GRM3: variants seen among roughly 807,000 people sequenced by gnomAD.
GRM3 encodes the protein metabotropic glutamate receptor 3.
In GRM3, 26 loss-of-function variants were observed where a neutral mutation model predicts 70.5. The observed-to-expected ratio is 0.37, with a 90% CI of 0.27 to 0.51. GRM3 has a LOEUF of 0.51. Among genes scored for constraint, GRM3 ranks in the 20% least tolerant of loss-of-function variants. The probability of loss-of-function intolerance (pLI) is 0.93; values close to 1 mark genes in which losing one functional copy is unlikely to be tolerated. For missense variants in GRM3, 859 were observed against 1,123.8 expected (o/e 0.76, Z 3.37); for synonymous variants, 443 against 434.9 (o/e 1.02, Z -0.23).
intron 1 of GRM3, among the ~76,000 whole-genome samples, chr7:86,705,977 C>G (rs1795048346): frequency 6.6e-6 from 1 of 152,082 alleles, no homozygotes; most frequent in Non-Finnish European, 1.5e-5. Context: ...AAATACAGCA[C>G]CAGACTTTTA....
chr7:86,786,079 T>C lies in GRM3; in HGVS notation c.469-182T>C. ...TACCTGTGTGAGACCTGCTTCCTAG[T>C]GTCCAAAATACAGTATCCAAGGAAG... On this transcript the variant is annotated intron_variant, in intron 2 of 5. Coordinates refer to ENST00000361669, the MANE Select transcript of GRM3 (RefSeq NM_000840.3). The surrounding 1 kb of genome is among the most constrained non-coding windows in gnomAD (Gnocchi z 6.0). 1.5e-6 allele frequency: 1 copy of C among 645,366 alleles called. No individual in the cohort carries two copies. The highest frequency in any genetic ancestry group is 2.8e-6 in the Non-Finnish European group (1 of 361,074). The allele number at this position is 645,366 out of a possible 1,614,324, so 40.0% of individuals were successfully genotyped here.
chr7:86,746,364 T>TATATATATATATATAA (rs1796105423), intron 1 of GRM3, among the ~76,000 whole-genome samples: 1 of 141,512 alleles, frequency 7.1e-6, no homozygotes, highest in Non-Finnish European at 1.5e-5. Flanking sequence ...TATATATATA[T>TATATATATATATATAA]ATATATATAT....
At chr7:86,814,448 C>T (rs1364225246) in intron 3 of GRM3, among the ~76,000 whole-genome samples, 2 of 151,636 alleles carry the variant, frequency 1.3e-5, no homozygotes, top group Non-Finnish European at 1.5e-5. Flanking sequence ...CATAGCTTAG[C>T]TCCCATATAT....
intron 1 of GRM3, among the ~76,000 whole-genome samples, chr7:86,667,524 A>G (rs758579413): frequency 1.3e-5 from 2 of 152,118 alleles, no homozygotes; most frequent in Non-Finnish European, 2.9e-5. Flanking sequence ...AGTTTTCAAC[A>G]TAGTCACAGC....
intron 4 of GRM3, among the ~76,000 whole-genome samples, chr7:86,848,621 A>G (rs952764449): frequency 2.0e-5 from 3 of 152,142 alleles, no homozygotes; most frequent in African/African-American, 7.2e-5. Context: ...TCCTACCCCA[A>G]GCCTCTTTCT....
At chr7:86,745,789 A>C (rs561905461) in intron 1 of GRM3, among the ~76,000 whole-genome samples, 1 of 152,250 alleles carries the variant, frequency 6.6e-6, no homozygotes, top group South Asian at 2.1e-4. Context: ...AAATCTAAAG[A>C]TTTACAAAAC....
At chr7:86,781,764 T>C (rs774474134) in intron 2 of GRM3, among the ~76,000 whole-genome samples, 2 of 152,192 alleles carry the variant, frequency 1.3e-5, no homozygotes, top group Non-Finnish European at 2.9e-5. Flanking sequence ...AATACAAATG[T>C]AATTTTATTT....
intron 3 of GRM3, among the ~76,000 whole-genome samples, chr7:86,798,166 T>A (rs1159596306): frequency 1.3e-5 from 2 of 151,996 alleles, no homozygotes. Flanking sequence ...CCACACAGAT[T>A]CCCCATCTGG....
chr7:86,678,651 G>A (rs1438760366), intron 1 of GRM3, among the ~76,000 whole-genome samples: 1 of 151,990 alleles, frequency 6.6e-6, no homozygotes, highest in African/African-American at 2.4e-5. Flanking sequence ...TAGCAATTAG[G>A]AAAGGTGAGA....
At chr7:86,686,339 G>A (rs1794567183) in intron 1 of GRM3, among the ~76,000 whole-genome samples, 1 of 152,102 alleles carries the variant, frequency 6.6e-6, no homozygotes, top group South Asian at 2.1e-4. Context: ...GTGAGAAGGG[G>A]CAAAATTCAA....
chr7:86,701,876 GAT>G (rs1407117294), intron 1 of GRM3, among the ~76,000 whole-genome samples: 1 of 151,834 alleles, frequency 6.6e-6, no homozygotes, highest in African/African-American at 2.4e-5. Flanking sequence ...CCATGCATAT[GAT>G]TGTCACATCA....
chr7:86,713,604 T>G (rs1485972005), intron 1 of GRM3, among the ~76,000 whole-genome samples: 1 of 151,926 alleles, frequency 6.6e-6, no homozygotes, highest in Non-Finnish European at 1.5e-5. Flanking sequence ...CAAAGCAAAA[T>G]GCAACTTAGA....
intron 2 of GRM3, among the ~76,000 whole-genome samples, chr7:86,769,956 C>T (rs1285478062): frequency 6.6e-6 from 1 of 152,072 alleles, no homozygotes; most frequent in African/African-American, 2.4e-5. Flanking sequence ...GCCTGCAATC[C>T]ACCCACTTCA....
At chr7:86,776,806 T>C (rs151136759) in intron 2 of GRM3, among the ~76,000 whole-genome samples, 88 of 152,336 alleles carry the variant, frequency 5.8e-4, no homozygotes, top group South Asian at 3.3e-3. Flanking sequence ...CAAGTCACCC[T>C]GGAAGTCATG....
chr7:86,740,986 T>C (rs1246008941), intron 1 of GRM3, among the ~76,000 whole-genome samples: 2 of 152,174 alleles, frequency 1.3e-5, no homozygotes, highest in Middle Eastern at 3.2e-3. Flanking sequence ...GGAAGAACCA[T>C]ATATATGTGT....
In GRM3 at chr7:86,737,197, CTA is replaced by C. The variant is rs371491192; in HGVS notation, c.-140-27807_-140-27806del. 1.1e-3 allele frequency among the ~76,000 whole-genome samples: 174 copies of C among 152,316 alleles called. 1 individual carries two copies. Among genetic ancestry groups the C allele is most frequent in the African/African-American group, 3.9e-3 (161 of 41,580 alleles). ...ATAAAGACCTAGGTCTGAATCCTCA[CTA>C]TGTCTTTTGTTAGTGATAGCTAATG... is the stretch of plus-strand genomic sequence containing the variant. On this transcript the variant is annotated intron_variant, in intron 1 of 5. Transcript: ENST00000361669.
At chr7:86,809,775 A>G (rs1797872195) in intron 3 of GRM3, among the ~76,000 whole-genome samples, 1 of 152,212 alleles carries the variant, frequency 6.6e-6, no homozygotes, top group East Asian at 1.9e-4. Flanking sequence ...GAAAGGTAAC[A>G]TGATGCAGAA....
intron 2 of GRM3, among the ~76,000 whole-genome samples, chr7:86,778,390 T>C (rs80039830): frequency 0.015 from 2,218 of 152,270 alleles, 49 homozygotes; most frequent in African/African-American, 0.051. Flanking sequence ...AAAATCACTT[T>C]AGTGGGAAAC....
intron 1 of GRM3, among the ~76,000 whole-genome samples, chr7:86,676,421 T>C (rs886647432): frequency 1.8e-5 from 2 of 111,676 alleles, no homozygotes; most frequent in Admixed American, 1.1e-4. Flanking sequence ...TAATTCTCTG[T>C]AGAAAAGCAG....
Sources: allele counts gnomAD v4.1 joint callset (sites outside exome capture counted in the v4.1 genomes callset), GRCh38; gene constraint gnomAD v4.1.1; non-coding constraint Gnocchi (gnomAD v3.1); transcripts MANE v1.5; gene names NCBI Gene and HGNC (gene_info 2026-07-23, HGNC 2026-07-21).